UBE2W: variants seen among roughly 807,000 people sequenced by gnomAD.
UBE2W encodes the protein ubiquitin-conjugating enzyme E2 W.
A neutral mutation model predicts 27.2 loss-of-function variants in UBE2W; 18 were observed. That is an observed-to-expected ratio of 0.66 (90% CI 0.46 to 0.98). The LOEUF is 0.98. Among genes scored for constraint, UBE2W ranks in the 50% least tolerant of loss-of-function variants. The pLI is 0.00. For synonymous variants in UBE2W, 53 were observed against 57.2 expected (o/e 0.93, Z 0.33); for missense variants, 90 against 180.2 (o/e 0.50, Z 2.87).
At chr8:73,864,912 T>C (rs1163880087) in intron 1 of UBE2W, among the ~76,000 whole-genome samples, 2 of 152,016 alleles carry the variant, frequency 1.3e-5, no homozygotes, top group African/African-American at 2.4e-5. Flanking sequence ...TCTTATTTAC[T>C]ATATATTGTT....
At chr8:73,837,548 T>C (rs1810360431) in intron 1 of UBE2W, among the ~76,000 whole-genome samples, 1 of 152,042 alleles carries the variant, frequency 6.6e-6, no homozygotes. Flanking sequence ...TATTAAAGAG[T>C]TTAATTTTCC....
At chr8:73,867,723 A>G (rs1415910994) in intron 1 of UBE2W, among the ~76,000 whole-genome samples, 32 of 152,170 alleles carry the variant, frequency 2.1e-4, no homozygotes, top group Non-Finnish European at 1.5e-5. Flanking sequence ...GAAAAAAAAA[A>G]AAAAAAAATT....
downstream of UBE2W, among the ~76,000 whole-genome samples, chr8:73,785,673 C>G (rs552375576): frequency 7.2e-5 from 11 of 152,286 alleles, no homozygotes; most frequent in South Asian, 2.1e-3. Flanking sequence ...TTCACTGCAA[C>G]CTCTGCCTCC....
chr8:73,786,977 A>G lies in UBE2W; in HGVS notation c.*7125T>C, dbSNP rs993886262. ...AGCCATCTATATTAGGATCTTGTCT[A>G]ATGACATATATTCACCCACATTAAG... On this transcript the variant is annotated 3_prime_UTR_variant, in exon 6 of 6. Coordinates refer to ENST00000602593, the MANE Select transcript of UBE2W (RefSeq NM_018299.6). The G allele has an allele frequency of 4.1e-6, 4 of 985,164 alleles. No homozygotes were observed. Among genetic ancestry groups the G allele is most frequent in the Admixed American group, 1.2e-4 (2 of 16,268 alleles). 61.0% of individuals were successfully genotyped at this position (985,164 alleles called of 1,614,324 possible). A position where few individuals can be genotyped will look rare whatever the true frequency, so the allele number is the denominator to read the frequency against.
At chr8:73,802,452 C>A (rs1047048598) in intron 5 of UBE2W, among the ~76,000 whole-genome samples, 1 of 150,394 alleles carries the variant, frequency 6.6e-6, no homozygotes, top group Non-Finnish European at 1.5e-5. Context: ...AACTTTATAA[C>A]GATAGTGCTT....
intron 3 of UBE2W, among the ~76,000 whole-genome samples, chr8:73,823,241 A>G (rs981664669): frequency 2.0e-5 from 3 of 152,240 alleles, no homozygotes; most frequent in Admixed American, 1.3e-4. Context: ...AGAATTTATT[A>G]CAAATGCTGT....
chr8:73,840,067 T>C (rs540175602), intron 1 of UBE2W, among the ~76,000 whole-genome samples: 4 of 151,732 alleles, frequency 2.6e-5, no homozygotes, highest in Non-Finnish European at 5.9e-5. Flanking sequence ...TTTCTTTTTT[T>C]TCCCCCCAAG....
At position 73,786,676 on chromosome 8, in the gene UBE2W, G is replaced by T; in HGVS notation, c.*7426C>A. The T allele has an allele frequency of 3.0e-6, 3 of 985,438 alleles. No individual in the cohort carries two copies. The highest frequency in any genetic ancestry group is 9.4e-5 in the South Asian group (2 of 21,286). 61.0% of individuals were successfully genotyped at this position (985,438 alleles called of 1,614,324 possible). On this transcript the variant is annotated 3_prime_UTR_variant, in exon 6 of 6. Coordinates refer to ENST00000602593, the MANE Select transcript of UBE2W (RefSeq NM_018299.6). ...TGCATTGCTACTGCTTATGAAACAA[G>T]GTTTGTGGACAGCTGAAGAGCAGCC...
At chr8:73,817,676 C>T (rs1809449531) in intron 3 of UBE2W, among the ~76,000 whole-genome samples, 1 of 152,102 alleles carries the variant, frequency 6.6e-6, no homozygotes, top group African/African-American at 2.4e-5. Context: ...CACCACCATG[C>T]CCAGCTAATT....
At chr8:73,813,424 A>G (rs1471788823) in intron 3 of UBE2W, among the ~76,000 whole-genome samples, 5 of 152,200 alleles carry the variant, frequency 3.3e-5, no homozygotes, top group Non-Finnish European at 7.3e-5. Flanking sequence ...ACAACTGTGA[A>G]GTAGAAGAGG....
intron 1 of UBE2W, among the ~76,000 whole-genome samples, chr8:73,832,257 T>C (rs1810102630): frequency 1.3e-5 from 2 of 151,956 alleles, no homozygotes; most frequent in African/African-American, 4.8e-5. Flanking sequence ...ACTATAGTTG[T>C]ACCACTGCAC....
Position 73,788,998 on chromosome 8 carries a change from T to C in UBE2W, c.*5104A>G, listed in dbSNP as rs1466186015. ...TAAAAAAATAGTCATTTAATCATTC[T>C]AGAGACTCATCACAAAATACAAGTC... On this transcript the variant is annotated 3_prime_UTR_variant, in exon 6 of 6. Coordinates refer to ENST00000602593, the MANE Select transcript of UBE2W (RefSeq NM_018299.6). 3.1e-6 allele frequency: 3 copies of C among 982,458 alleles called. No homozygotes were observed. Among genetic ancestry groups the C allele is most frequent in the Non-Finnish European group, 3.6e-6 (3 of 827,820 alleles). 60.9% of individuals were successfully genotyped at this position (982,458 alleles called of 1,614,324 possible). A position where few individuals can be genotyped will look rare whatever the true frequency, so the allele number is the denominator to read the frequency against.
chr8:73,815,408 A>C (rs184602051), intron 3 of UBE2W, among the ~76,000 whole-genome samples: 3 of 152,250 alleles, frequency 2.0e-5, no homozygotes, highest in African/African-American at 7.2e-5. Flanking sequence ...CCTCACTCAA[A>C]GTTGGTGTAG....
At chr8:73,832,422 C>T (rs974563514) in intron 1 of UBE2W, among the ~76,000 whole-genome samples, 4 of 152,074 alleles carry the variant, frequency 2.6e-5, no homozygotes, top group African/African-American at 4.8e-5. Context: ...CAATGGGATA[C>T]GTGTATTTTA....
downstream of UBE2W, among the ~76,000 whole-genome samples, chr8:73,785,474 G>A (rs572645811): frequency 7.9e-5 from 12 of 152,206 alleles, no homozygotes; most frequent in Admixed American, 6.5e-4. Flanking sequence ...AAATTCAGGG[G>A]GTACACGTGC....
At chr8:73,805,454 C>CAAAAAAAAAAAAACAAACAAAAAAAAAAA (rs1808835791) in intron 5 of UBE2W, among the ~76,000 whole-genome samples, 197 bp downstream of exon 5, 1 of 14,580 alleles carries the variant, frequency 6.9e-5, no homozygotes, top group Non-Finnish European at 1.3e-4. Flanking sequence ...AACTCCATCT[C>CAAAAAAAAAAAAACAAACAAAAAAAAAAA]AAAAAAAAAA....
chr8:73,848,467 G>A (rs1255982184), intron 1 of UBE2W, among the ~76,000 whole-genome samples: 6 of 152,118 alleles, frequency 3.9e-5, no homozygotes, highest in Admixed American at 3.3e-4. Context: ...TGGGAGGATC[G>A]CTTTCCAGGA....
intron 1 of UBE2W, among the ~76,000 whole-genome samples, chr8:73,863,821 T>C (rs1390472990): frequency 6.6e-6 from 1 of 151,784 alleles, no homozygotes; most frequent in African/African-American, 2.4e-5. Context: ...AGCAATTAAA[T>C]CATAACGTGG....
rs2130830948 is a variant in UBE2W at position 73,787,711 on chromosome 8, T to G, written c.*6391A>C. 1 of 985,368 alleles carries G rather than the reference T, an allele frequency of 1.0e-6. No homozygotes were observed. Among genetic ancestry groups the G allele is most frequent in the East Asian group, 1.1e-4 (1 of 8,808 alleles). 61.0% of individuals were successfully genotyped at this position (985,368 alleles called of 1,614,324 possible). A position where few individuals can be genotyped will look rare whatever the true frequency, so the allele number is the denominator to read the frequency against. ...TTTCCTCTTCTTGCAGCTTCAAGAG[T>G]CACTCATTTAAGTCATTAGTTGATC... is the stretch of plus-strand genomic sequence containing the variant. On this transcript the variant is annotated 3_prime_UTR_variant, in exon 6 of 6. Transcript: ENST00000602593.
Sources: allele counts gnomAD v4.1 joint callset (sites outside exome capture counted in the v4.1 genomes callset), GRCh38; gene constraint gnomAD v4.1.1; transcripts MANE v1.5; gene names NCBI Gene and HGNC (gene_info 2026-07-23, HGNC 2026-07-21).